Variants in ATF7IP2 observed in about 807,000 individuals in gnomAD.
ATF7IP2 encodes the protein activating transcription factor 7 interacting protein 2, also known as activating transcription factor 7-interacting protein 2.
Under a neutral mutation model 64.2 loss-of-function variants are expected in ATF7IP2, and 42 were observed. The observed-to-expected ratio is 0.65, with a 90% CI of 0.51 to 0.85. The LOEUF (loss-of-function observed/expected upper bound fraction) is 0.85, where lower values mean the gene tolerates loss of function less well. Ranked by LOEUF, ATF7IP2 falls within the 40% of genes least tolerant of loss-of-function variation. The pLI is 0.00. For missense variants in ATF7IP2, 933 were observed against 784.2 expected, an observed-to-expected ratio of 1.19 and a Z score of -2.27; for synonymous variants, 308 against 272.8, an observed-to-expected ratio of 1.13 and a Z score of -1.27.
chr16:10,451,149 C>G (rs958533154), intron 8 of ATF7IP2, among the ~76,000 whole-genome samples: 1 of 152,224 alleles, frequency 6.6e-6, no homozygotes, highest in Non-Finnish European at 1.5e-5. Flanking sequence ...GGCCCCCACT[C>G]TCTTCTGGCT....
intron 10 of ATF7IP2, among the ~76,000 whole-genome samples, 179 bp downstream of exon 10, chr16:10,472,362 T>C (rs1196153742): frequency 3.3e-5 from 5 of 152,328 alleles, no homozygotes; most frequent in African/African-American, 1.2e-4. Context: ...CTTAATGTAA[T>C]TGAGATTTCA....
intron 1 of ATF7IP2, among the ~76,000 whole-genome samples, chr16:10,398,426 A>G (rs904585566): frequency 2.6e-5 from 4 of 152,236 alleles, no homozygotes; most frequent in Non-Finnish European, 5.9e-5. Context: ...GTTCAAAAAA[A>G]TTAAAAATAT....
At chr16:10,438,642 C>G (rs1002038961) in intron 7 of ATF7IP2, among the ~76,000 whole-genome samples, 12 of 152,110 alleles carry the variant, frequency 7.9e-5, no homozygotes, top group African/African-American at 2.9e-4. Context: ...GATTCCTGGC[C>G]ATTAGCCTAA....
At chr16:10,476,067 C>T (rs1488572586) in intron 12 of ATF7IP2, among the ~76,000 whole-genome samples, 1 of 152,102 alleles carries the variant, frequency 6.6e-6, no homozygotes, top group East Asian at 1.9e-4. Flanking sequence ...ATTATATTTG[C>T]TAGGATATTT....
chr16:10,404,852 C>G (rs1299102475), intron 1 of ATF7IP2, among the ~76,000 whole-genome samples: 1 of 152,146 alleles, frequency 6.6e-6, no homozygotes, highest in South Asian at 2.1e-4. Context: ...CAGAAGTAAC[C>G]TTACAAGTCA....
chr16:10,429,878 T>C (rs1310696603), intron 4 of ATF7IP2, among the ~76,000 whole-genome samples: 1 of 151,298 alleles, frequency 6.6e-6, no homozygotes, highest in Non-Finnish European at 1.5e-5. Context: ...ATTTTTAGAC[T>C]GTCTCACTCT....
intron 1 of ATF7IP2, among the ~76,000 whole-genome samples, chr16:10,411,285 G>T (rs2047752926): frequency 6.7e-6 from 1 of 150,222 alleles, no homozygotes; most frequent in South Asian, 2.1e-4. Flanking sequence ...GTCAGGATTG[G>T]TACCAATTTT....
chr16:10,387,681 G>C (rs1233834958), intron 1 of ATF7IP2: 1 of 152,050 alleles, frequency 6.6e-6, no homozygotes, highest in Non-Finnish European at 1.5e-5. Context: ...TATTTCATTT[G>C]ATGTAATCAA....
chr16:10,429,730 A>ATTTTATTTTAT (rs1555507615), intron 4 of ATF7IP2, among the ~76,000 whole-genome samples: 2 of 87,716 alleles, frequency 2.3e-5, no homozygotes, highest in African/African-American at 8.7e-5. Flanking sequence ...ATTTTATTTT[A>ATTTTATTTTAT]TTTATTTTAT....
intron 1 of ATF7IP2, among the ~76,000 whole-genome samples, chr16:10,390,666 G>A (rs1461740281): frequency 6.6e-6 from 1 of 152,092 alleles, no homozygotes; most frequent in Non-Finnish European, 1.5e-5. Context: ...GGACACACTT[G>A]TAGTCCTACC....
chr16:10,459,821 C>T (rs2049314573), intron 9 of ATF7IP2, among the ~76,000 whole-genome samples: 4 of 152,014 alleles, frequency 2.6e-5, no homozygotes, highest in Admixed American at 2.6e-4. Flanking sequence ...TACAGAATCC[C>T]TAAGACAAAT....
intron 3 of ATF7IP2, among the ~76,000 whole-genome samples, chr16:10,425,567 T>C (rs181758926): frequency 1.1e-3 from 166 of 152,286 alleles, no homozygotes; most frequent in African/African-American, 3.8e-3. Flanking sequence ...TGAAAATATT[T>C]ATGTATTACA....
Position 10,472,141 on chromosome 16 carries a change from G to T in ATF7IP2, c.1384G>T (p.Glu462Ter). Residue 462 changes from glutamate (E) to a stop codon, truncating the protein, a stop_gained, in exon 10 of 14, where the codon GAA (glutamate) becomes TAA (stop). Transcript: ENST00000562102. LOFTEE classifies it high-confidence loss of function. ...TGATGATGTTATGTTGATTTCTGTG[G>T]AAAGTCCTAATTTGACAACTCCAAT... ...NNDDVMLISV[E>*]SPNLTTPITS... 6.4e-7 allele frequency: 1 copy of T among 1,572,764 alleles called. No individual in the cohort carries two copies.
rs747588246 is a variant in ATF7IP2, at chr16:10,430,706, T to C, written c.86T>C (p.Leu29Pro). ...AGTTGCCGGAAGCAAGTAGAGATGC[T>C]GAATAAGTCAAGGAATGTTGAAGCG... ...PLSCRKQVEM[L>P]NKSRNVEALK... The change falls in exon 5 of 14, where the codon CTG (leucine) becomes CCG (proline). Residue 29 changes from leucine to proline, a missense_variant. Physicochemically the swap from Leu to Pro is moderately conservative, Grantham distance 98. Coordinates refer to ENST00000562102, the MANE Select transcript of ATF7IP2 (RefSeq NM_001393719.1). 9.3e-6 allele frequency: 15 copies of C among 1,614,078 alleles called. No homozygotes were observed. The highest frequency in any genetic ancestry group is 1.3e-5 in the Non-Finnish European group (15 of 1,180,014).
intron 1 of ATF7IP2, among the ~76,000 whole-genome samples, chr16:10,402,015 G>T (rs2047545275): frequency 1.3e-5 from 2 of 151,908 alleles, no homozygotes; most frequent in African/African-American, 4.8e-5. Context: ...GTTGGTGTAG[G>T]TAGTAGTTTT....
At chr16:10,426,032 A>G (rs1296512858) in intron 3 of ATF7IP2, among the ~76,000 whole-genome samples, 1 of 152,226 alleles carries the variant, frequency 6.6e-6, no homozygotes, top group Non-Finnish European at 1.5e-5. Flanking sequence ...CAGCCAAGCA[A>G]TTATGCATCT....
intron 7 of ATF7IP2, among the ~76,000 whole-genome samples, chr16:10,439,258 C>G (rs1203477316): frequency 1.3e-5 from 2 of 151,980 alleles, no homozygotes; most frequent in African/African-American, 4.8e-5. Flanking sequence ...GAGATGGAGT[C>G]TCGCTCTGTC....
intron 7 of ATF7IP2, 27 bp downstream of exon 7, chr16:10,438,262 T>A (rs779549556): frequency 3.1e-6 from 5 of 1,592,302 alleles, no homozygotes; most frequent in Non-Finnish European, 4.3e-6. Flanking sequence ...TTTGAGTCTT[T>A]TTTAGGGGAG....
chr16:10,419,226 T>C (rs559275369), intron 2 of ATF7IP2, among the ~76,000 whole-genome samples: 18 of 152,346 alleles, frequency 1.2e-4, no homozygotes, highest in African/African-American at 4.3e-4. Flanking sequence ...CCAGGCATTA[T>C]TGCCAGCCAA....
Sources: allele counts gnomAD v4.1 joint callset (sites outside exome capture counted in the v4.1 genomes callset), GRCh38; gene constraint gnomAD v4.1.1; transcripts MANE v1.5; gene names NCBI Gene and HGNC (gene_info 2026-07-23, HGNC 2026-07-21).